The following NRG1 variants were observed in gnomAD, a reference collection of about 807,000 sequenced individuals.
The protein encoded by NRG1 is pro-neuregulin-1, membrane-bound isoform.
NRG1 carries 18 observed loss-of-function variants against 63.8 expected under a neutral mutation model. The ratio of observed to expected loss-of-function variants is 0.28; its 90% CI spans 0.19 to 0.42. The LOEUF (loss-of-function observed/expected upper bound fraction) is 0.42, where lower values mean the gene tolerates loss of function less well. NRG1 is among the 10% of genes least tolerant of loss of function. The pLI is 1.00. For synonymous variants in NRG1, 302 were observed against 301.3 expected (o/e 1.00, Z -0.02); for missense variants, 762 against 814.7 (o/e 0.94, Z 0.79).
chr8:32,410,195 T>TG (rs1449290913), intron 1 of NRG1, among the ~76,000 whole-genome samples: 2 of 147,184 alleles, frequency 1.4e-5, no homozygotes, highest in Non-Finnish European at 3.0e-5. Flanking sequence ...TTTTTTTTTT[T>TG]TTTGAGACAT....
chr8:32,222,034 T>TACACACACACACACACACAC (rs202206585), intron 1 of NRG1, among the ~76,000 whole-genome samples: 4 of 148,582 alleles, frequency 2.7e-5, no homozygotes, highest in African/African-American at 9.9e-5. Flanking sequence ...GAAACATACA[T>TACACACACACACACACACAC]ACACACACAC....
intron 1 of NRG1, among the ~76,000 whole-genome samples, chr8:32,343,207 G>A (rs1016375070): frequency 1.3e-5 from 2 of 152,152 alleles, no homozygotes; most frequent in Admixed American, 6.5e-5. Flanking sequence ...CTCAGAAAAT[G>A]TATCAGAGAA....
At chr8:31,664,860 G>A (rs1427846027) in intron 1 of NRG1, among the ~76,000 whole-genome samples, 2 of 152,186 alleles carry the variant, frequency 1.3e-5, no homozygotes, top group African/African-American at 4.8e-5. Context: ...AAGTGATATG[G>A]AAAGCATGAT....
At chr8:32,126,569 A>G (rs976945707) in intron 1 of NRG1, among the ~76,000 whole-genome samples, 2 of 151,852 alleles carry the variant, frequency 1.3e-5, no homozygotes, top group Non-Finnish European at 2.9e-5. Flanking sequence ...GGATGCCCTA[A>G]TAAGCCAGTG....
At chr8:32,658,736 G>A (rs1205075407) in intron 5 of NRG1, among the ~76,000 whole-genome samples, 1 of 152,138 alleles carries the variant, frequency 6.6e-6, no homozygotes, top group Admixed American at 6.5e-5. Flanking sequence ...TGCAACCAGT[G>A]TATGTTAATT....
chr8:31,731,450 T>C (rs1814054990), intron 1 of NRG1, among the ~76,000 whole-genome samples: 1 of 133,168 alleles, frequency 7.5e-6, no homozygotes, highest in African/African-American at 2.8e-5. Context: ...ACACACATTT[T>C]ACAAAAACCA....
chr8:32,469,088 A>G (rs1823445693), intron 1 of NRG1, among the ~76,000 whole-genome samples: 1 of 152,232 alleles, frequency 6.6e-6, no homozygotes, highest in Non-Finnish European at 1.5e-5. Context: ...GAAACGATGG[A>G]GGTGATGTGG....
At chr8:32,105,257 T>G (rs1475395553) in intron 1 of NRG1, among the ~76,000 whole-genome samples, 3 of 152,134 alleles carry the variant, frequency 2.0e-5, no homozygotes, top group Non-Finnish European at 4.4e-5. Context: ...ATTAGTTCGT[T>G]TTCACGCTGC....
rs564145634 is a variant in NRG1 at position 32,493,356 on chromosome 8, C to T, written c.38-102472C>T. On this transcript the variant is annotated intron_variant, in intron 1 of 10. Transcript: ENST00000519301. Reference sequence around the variant, plus strand: ...CTCACTGGGGCATGCTCCCTCCCCACGCCCATTTCCTATCCCAGAAAATAA... The same window carrying T: ...CTCACTGGGGCATGCTCCCTCCCCATGCCCATTTCCTATCCCAGAAAATAA... Among the ~76,000 whole-genome samples, 25 of 152,250 alleles carry T rather than the reference C, an allele frequency of 1.6e-4. No individual in the cohort carries two copies. In the East Asian group the frequency reaches 4.1e-3, roughly 25 times the overall value.
Position 32,676,640 on chromosome 8 carries a change from G to A in NRG1, c.503-51309G>A, listed in dbSNP as rs1048218225. ...ATAGGATTTTGTAAACTTTAACAACGGCTGACACTTACTCAATATTGGCTA... is the reference window on the plus strand; with the variant it reads ...ATAGGATTTTGTAAACTTTAACAACAGCTGACACTTACTCAATATTGGCTA... On this transcript the variant is annotated intron_variant, in intron 5 of 11. Coordinates refer to ENST00000356819, the Ensembl canonical transcript of NRG1. 1.1e-4 allele frequency among the ~76,000 whole-genome samples: 17 copies of A among 152,154 alleles called. 1 individual carries two copies. The South Asian group carries it at 1.7e-3, about 15-fold the overall frequency.
At chr8:31,745,854 A>G (rs1324437353) in intron 1 of NRG1, among the ~76,000 whole-genome samples, 1 of 151,946 alleles carries the variant, frequency 6.6e-6, no homozygotes. Flanking sequence ...AGAGAGAGGA[A>G]TAGTAAAATG....
chr8:32,281,536 C>G (rs943433606), intron 1 of NRG1, among the ~76,000 whole-genome samples: 4 of 152,136 alleles, frequency 2.6e-5, no homozygotes, highest in Non-Finnish European at 5.9e-5. Context: ...CTCCCCCCAA[C>G]AGTGTCTATT....
intron 1 of NRG1, among the ~76,000 whole-genome samples, chr8:32,507,539 A>G (rs893507520): frequency 1.3e-5 from 2 of 152,212 alleles, no homozygotes; most frequent in Non-Finnish European, 2.9e-5. Context: ...GATAAACAGC[A>G]TGAGGGAGAA....
intron 1 of NRG1, among the ~76,000 whole-genome samples, chr8:31,826,517 T>A (rs920538940): frequency 6.6e-6 from 1 of 152,244 alleles, no homozygotes; most frequent in Non-Finnish European, 1.5e-5. Context: ...CCCAGCCATG[T>A]GGAATTGTGA....
intron 1 of NRG1, among the ~76,000 whole-genome samples, chr8:32,066,272 C>G (rs1440213697): frequency 5.3e-5 from 8 of 152,120 alleles, no homozygotes. Flanking sequence ...ATGCCTATGT[C>G]CTGAATGGTA....
At chr8:32,692,894 C>T (rs948484206) in intron 5 of NRG1, among the ~76,000 whole-genome samples, 7 of 152,174 alleles carry the variant, frequency 4.6e-5, no homozygotes, top group Non-Finnish European at 1.0e-4. Context: ...TGTCAGGGGT[C>T]CTGCCACCTG....
intron 1 of NRG1, among the ~76,000 whole-genome samples, chr8:32,332,668 C>T (rs908688318): frequency 1.3e-5 from 2 of 152,066 alleles, no homozygotes; most frequent in Admixed American, 1.3e-4. Context: ...GAAACTGAAG[C>T]ATAGAGAATT....
intron 1 of NRG1, among the ~76,000 whole-genome samples, chr8:31,927,055 TGTGCCA>T (rs1293639545): frequency 6.6e-6 from 1 of 152,192 alleles, no homozygotes; most frequent in African/African-American, 2.4e-5. Flanking sequence ...TGGGTAGTTA[TGTGCCA>T]GACACTGTGC....
At chr8:32,168,828 G>A (rs1471626697) in intron 1 of NRG1, among the ~76,000 whole-genome samples, 1 of 152,054 alleles carries the variant, frequency 6.6e-6, no homozygotes, top group African/African-American at 2.4e-5. Flanking sequence ...TGTCTGTCTT[G>A]TATCATCTGA....
Sources: allele counts gnomAD v4.1 joint callset (sites outside exome capture counted in the v4.1 genomes callset), GRCh38; gene constraint gnomAD v4.1.1; transcripts MANE v1.5; gene names NCBI Gene and HGNC (gene_info 2026-07-23, HGNC 2026-07-21).